Variants in GRID2 observed in about 807,000 individuals in gnomAD.
The protein encoded by GRID2 is glutamate ionotropic receptor delta type subunit 2, also known as glutamate receptor ionotropic, delta-2.
Under a neutral mutation model 114.8 loss-of-function variants are expected in GRID2, and 33 were observed. The observed-to-expected ratio is 0.29, with a 90% CI of 0.22 to 0.38. GRID2 has a LOEUF of 0.38. Among genes scored for constraint, GRID2 ranks in the 10% least tolerant of loss-of-function variants. The pLI is 1.00. For synonymous variants in GRID2, 505 were observed against 449.9 expected, an observed-to-expected ratio of 1.12 and a Z score of -1.55; for missense variants, 1,184 against 1,257.7, an observed-to-expected ratio of 0.94 and a Z score of 0.89.
intron 2 of GRID2, among the ~76,000 whole-genome samples, chr4:92,704,013 C>T (rs1029005598): frequency 3.3e-5 from 5 of 152,148 alleles, no homozygotes; most frequent in Non-Finnish European, 5.9e-5. Flanking sequence ...CAGTTGCTCA[C>T]GCCTGTGAAT....
intron 1 of GRID2, 66 bp from the exon 2 acceptor site, chr4:92,590,065 A>C: frequency 9.2e-7 from 1 of 1,086,054 alleles, no homozygotes. Context: ...TCTCCTTGTC[A>C]TATTTCCAGA....
intron 2 of GRID2, among the ~76,000 whole-genome samples, chr4:92,684,913 G>C (rs1197181142): frequency 1.3e-5 from 2 of 151,888 alleles, no homozygotes; most frequent in Non-Finnish European, 2.9e-5. Flanking sequence ...ATTAAGTCTT[G>C]CAGTATTTTA....
intron 2 of GRID2, among the ~76,000 whole-genome samples, chr4:92,918,305 A>T (rs2149499743): frequency 6.6e-6 from 1 of 152,304 alleles, no homozygotes; most frequent in East Asian, 1.9e-4. Flanking sequence ...AAACAGGGAC[A>T]ATTTGACTTC....
At chr4:93,062,944 A>G (rs1447175726) in intron 2 of GRID2, among the ~76,000 whole-genome samples, 3 of 151,962 alleles carry the variant, frequency 2.0e-5, no homozygotes, top group Non-Finnish European at 2.9e-5. Flanking sequence ...AGTTGCCTGA[A>G]AATATTTTAT....
chr4:92,331,152 T>C (rs1378410450), intron 1 of GRID2, among the ~76,000 whole-genome samples: 2 of 152,206 alleles, frequency 1.3e-5, no homozygotes, highest in African/African-American at 4.8e-5. Flanking sequence ...CCAAATAATG[T>C]GTCAGACTGA....
intron 14 of GRID2, among the ~76,000 whole-genome samples, chr4:93,680,954 A>ATAAGGTATTC (rs1488904304): frequency 6.6e-6 from 1 of 151,382 alleles, no homozygotes; most frequent in Non-Finnish European, 1.5e-5. Flanking sequence ...AGAAGGAAAT[A>ATAAGGTATTC]TAAGGTATTC....
intron 12 of GRID2, among the ~76,000 whole-genome samples, chr4:93,506,084 A>G (rs1728598403): frequency 6.6e-6 from 1 of 152,148 alleles, no homozygotes; most frequent in Non-Finnish European, 1.5e-5. Context: ...CTAACTCCTA[A>G]GTTTGTAAGG....
chr4:93,522,267 G>A (rs1730413286), intron 13 of GRID2, among the ~76,000 whole-genome samples: 1 of 152,140 alleles, frequency 6.6e-6, no homozygotes, highest in African/African-American at 2.4e-5. Context: ...AAGCAGCAGG[G>A]CAGAGATTCT....
chr4:92,950,687 A>C (rs1429293395), intron 2 of GRID2, among the ~76,000 whole-genome samples: 1 of 152,210 alleles, frequency 6.6e-6, no homozygotes, highest in Non-Finnish European at 1.5e-5. Flanking sequence ...ATCATCAGCC[A>C]TGAAAATTGG....
intron 1 of GRID2, among the ~76,000 whole-genome samples, chr4:92,556,352 T>A: frequency 6.6e-6 from 1 of 152,270 alleles, no homozygotes; most frequent in African/African-American, 2.4e-5. Context: ...AGATATAAAC[T>A]ATAAATAAAT....
chr4:92,834,247 C>T (rs1742306270), intron 2 of GRID2, among the ~76,000 whole-genome samples: 1 of 152,002 alleles, frequency 6.6e-6, no homozygotes, highest in Non-Finnish European at 1.5e-5. Flanking sequence ...GGGAGGTTCT[C>T]TTTTGATTTT....
rs116901971 is a variant in GRID2, at chr4:93,014,029, G to A, written c.245-70966G>A. On this transcript the variant is annotated intron_variant, in intron 2 of 15. Transcript: ENST00000282020. ...CTATAAAACAATTTATATGATAATT[G>A]AACAAGCATAAAGTAAGATATTTGA... 1.7e-4 allele frequency among the ~76,000 whole-genome samples: 26 copies of A among 152,090 alleles called. No homozygotes were observed. In the East Asian group the frequency reaches 4.5e-3, roughly 26 times the overall value.
intron 1 of GRID2, among the ~76,000 whole-genome samples, chr4:92,462,918 C>T (rs1721566789): frequency 6.6e-6 from 1 of 151,898 alleles, no homozygotes. Context: ...ATGAAAGACA[C>T]AATTGTCCCT....
At chr4:92,873,561 A>C (rs2149448661) in intron 2 of GRID2, among the ~76,000 whole-genome samples, 1 of 152,326 alleles carries the variant, frequency 6.6e-6, no homozygotes, top group South Asian at 2.1e-4. Context: ...ATAAAAGATA[A>C]AAATTTAGAT....
At chr4:92,384,592 A>AT (rs1729824194) in intron 1 of GRID2, among the ~76,000 whole-genome samples, 1 of 54,404 alleles carries the variant, frequency 1.8e-5, no homozygotes, top group African/African-American at 6.4e-5. Flanking sequence ...ATTATATTAT[A>AT]TATAACATAA....
At chr4:92,510,597 AG>A (rs1469189259) in intron 1 of GRID2, among the ~76,000 whole-genome samples, 9 of 151,832 alleles carry the variant, frequency 5.9e-5, no homozygotes, top group East Asian at 1.9e-4. Flanking sequence ...AGATGGAGAG[AG>A]GGTGAGTACA....
At chr4:92,368,011 G>T (rs1042088991) in intron 1 of GRID2, among the ~76,000 whole-genome samples, 1 of 152,094 alleles carries the variant, frequency 6.6e-6, no homozygotes, top group Non-Finnish European at 1.5e-5. Flanking sequence ...CAAAGAGAAA[G>T]AAGCGATAGT....
At chr4:93,497,270 GT>G (rs2149468697) in intron 12 of GRID2, among the ~76,000 whole-genome samples, 1 of 151,738 alleles carries the variant, frequency 6.6e-6, no homozygotes, top group Admixed American at 6.6e-5. Context: ...CAAAGGCTTT[GT>G]CATATAGGTG....
chr4:93,724,131 T>C (rs1191235501), intron 14 of GRID2, among the ~76,000 whole-genome samples: 1 of 152,226 alleles, frequency 6.6e-6, no homozygotes, highest in Non-Finnish European at 1.5e-5. Flanking sequence ...GAAGTTTGGC[T>C]ACCATCCAGA....
Sources: gnomAD v4.1 joint callset for allele counts (sites outside exome capture counted in the v4.1 genomes callset) on GRCh38, gnomAD v4.1.1 for gene constraint, MANE v1.5 for transcripts, NCBI Gene and HGNC (gene_info 2026-07-23, HGNC 2026-07-21) for gene names.